ZMIZ2: variants seen among roughly 807,000 people sequenced by gnomAD.
ZMIZ2 encodes the protein zinc finger MIZ domain-containing protein 2.
Under a neutral mutation model 93.9 loss-of-function variants are expected in ZMIZ2, and 26 were observed. The ratio of observed to expected loss-of-function variants is 0.28; its 90% confidence interval spans 0.20 to 0.38. The LOEUF is 0.38. Ranked by LOEUF, ZMIZ2 falls within the 10% of genes least tolerant of loss-of-function variation. The pLI is 1.00. For missense variants in ZMIZ2, 1,023 were observed against 1,235.0 expected (o/e 0.83, Z 2.57); for synonymous variants, 485 against 516.4 (o/e 0.94, Z 0.82).
chr7:44,751,800 A>G (rs1404026130), intron 1 of ZMIZ2, among the ~76,000 whole-genome samples: 1 of 152,140 alleles, frequency 6.6e-6, no homozygotes, highest in African/African-American at 2.4e-5. Flanking sequence ...CACTAAAAAT[A>G]CAAAAATTAG....
Position 44,765,747 on chromosome 7 carries a change from CAG to C in ZMIZ2, c.2242+169_2242+170del. On this transcript the variant is annotated intron_variant, in intron 16 of 18. Transcript: ENST00000309315. This position sits in a 1 kb window ranked among gnomAD's most constrained non-coding sequence, Gnocchi z 4.1. ...GGGGCACCTCCAGCCCCTCCCATCT[CAG>C]GGACGTGGCGGTGAAGGCACAGTCT... The C allele has an allele frequency of 2.6e-6, 3 of 1,139,204 alleles. No homozygotes were observed. The highest frequency in any genetic ancestry group is 3.6e-6 in the Non-Finnish European group (3 of 825,828). 70.6% of individuals were successfully genotyped at this position (1,139,204 alleles called of 1,614,324 possible). A position where few individuals can be genotyped will look rare whatever the true frequency, so the allele number is the denominator to read the frequency against.
rs1791068887 is a variant in ZMIZ2, at chr7:44,760,480, C to T, written c.1127C>T (p.Pro376Leu). The change falls in exon 9 of 19, where the codon CCA becomes CTA. Residue 376 changes from proline (P) to leucine (L), a missense_variant. This residue lies in a region of ZMIZ2 where 656 missense variants were observed against 777.1 expected (regional missense o/e 0.84). Coordinates refer to ENST00000309315, the MANE Select transcript of ZMIZ2 (RefSeq NM_031449.4). The part of the protein sequence containing the change: ...PSSPLPGNPT[P>L]PMTPSSSVPY... ...TCCCCACTGCCAGGGAACCCCACGCCACCCATGACCCCAAGCAGCAGCGTC... is the reference window on the plus strand; with the variant it reads ...TCCCCACTGCCAGGGAACCCCACGCTACCCATGACCCCAAGCAGCAGCGTC... 1.9e-6 allele frequency: 3 copies of T among 1,614,186 alleles called. No homozygotes were observed. The highest frequency in any genetic ancestry group is 1.1e-5 in the South Asian group (1 of 91,088).
chr7:44,757,272 C>A (rs1452961652), intron 4 of ZMIZ2, 106 bp from the exon 5 acceptor site: 20 of 1,509,374 alleles, frequency 1.3e-5, no homozygotes, highest in Non-Finnish European at 1.7e-5. Flanking sequence ...AGTGGAGGGT[C>A]TAGAAAGAAT....
chr7:44,760,330 T>G, intron 8 of ZMIZ2, 95 bp from the exon 9 acceptor site: 1 of 1,573,340 alleles, frequency 6.4e-7, no homozygotes, highest in South Asian at 1.2e-5. Context: ...CCTGTCCACC[T>G]CTGTTATCAT....
chr7:44,755,113 T>C (rs1790479601), intron 1 of ZMIZ2, among the ~76,000 whole-genome samples: 1 of 152,148 alleles, frequency 6.6e-6, no homozygotes, highest in East Asian at 1.9e-4. Context: ...GAGAGCAAAC[T>C]TAGCGTGGCA....
chr7:44,760,138 T>C lies in ZMIZ2; in HGVS notation c.994-13T>C, dbSNP rs371562328. ...GTTGGAGCCCCAGGTGCATGCAGTT[T>C]TCTCTCCCGCAGCCCACAGAGCAGT... On this transcript the variant is annotated splice_polypyrimidine_tract_variant and intron_variant, in intron 7 of 18. Transcript: ENST00000309315. The C allele has an allele frequency of 6.2e-7, 1 of 1,613,872 alleles. No homozygotes were observed. Among genetic ancestry groups the C allele is most frequent in the Non-Finnish European group, 8.5e-7 (1 of 1,179,960 alleles).
At chr7:44,750,834 G>A (rs2116589329) in intron 1 of ZMIZ2, 1 of 152,296 alleles carries the variant, frequency 6.6e-6, no homozygotes, top group Non-Finnish European at 1.5e-5. Flanking sequence ...CAGGCACTAA[G>A]ACCCTTGGTG....
At chr7:44,756,842 T>G in intron 3 of ZMIZ2, 105 bp from the exon 4 acceptor site, 2 of 1,338,106 alleles carry the variant, frequency 1.5e-6, no homozygotes, top group South Asian at 1.2e-5. Flanking sequence ...CCCCCACCTC[T>G]CCCCCAACCC....
At chr7:44,752,660 G>A (rs1790256834) in intron 1 of ZMIZ2, among the ~76,000 whole-genome samples, 1 of 152,130 alleles carries the variant, frequency 6.6e-6, no homozygotes, top group Non-Finnish European at 1.5e-5. Flanking sequence ...TTAATTCTCT[G>A]GAGATTCATC....
At position 44,763,702 on chromosome 7, in the gene ZMIZ2, C is replaced by A; in HGVS notation, c.1860+289C>A. 1 of 404,674 alleles carries A rather than the reference C, an allele frequency of 2.5e-6. No homozygotes were observed. The highest frequency in any genetic ancestry group is 4.5e-6 in the Non-Finnish European group (1 of 223,378). 25.1% of individuals were successfully genotyped at this position (404,674 alleles called of 1,614,324 possible). The stretch of plus-strand genomic sequence containing the variant: ...TGCAGGGTCCAGTCTTCCTGCCCTA[C>A]CCCCAAGGGTGACCATCGTTAGCAT... On this transcript the variant is annotated intron_variant, in intron 13 of 18. Transcript: ENST00000309315. This position sits in a 1 kb window ranked among gnomAD's most constrained non-coding sequence, Gnocchi z 5.6.
At position 44,758,057 on chromosome 7, in the gene ZMIZ2, T is replaced by C. The variant is rs1043770761; in HGVS notation, c.762T>C (p.Pro254=). 1.3e-5 allele frequency: 21 copies of C among 1,602,342 alleles called. No individual in the cohort carries two copies. Among genetic ancestry groups the C allele is most frequent in the Non-Finnish European group, 2.6e-6 (3 of 1,175,058 alleles). ...QRLPQHGYPG[P]PQAQPLPRQG... is the part of the protein sequence containing the mutation. ...TGCCCCAACATGGGTATCCTGGGCC[T>C]CCCCAGGCCCAGCCACTGCCCCGAC... The change falls in exon 6 of 19, where the codon CCT becomes CCC. Residue 254 remains proline, a synonymous_variant. Coordinates refer to ENST00000309315, the MANE Select transcript of ZMIZ2 (RefSeq NM_031449.4).
rs116748938 is a variant in ZMIZ2 at position 44,764,902 on chromosome 7, T to C, written c.1929-39T>C. 1.0e-3 allele frequency: 1,640 copies of C among 1,611,120 alleles called. 11 individuals carry two copies. The African/African-American group carries it at 0.02, about 19-fold the overall frequency. On this transcript the variant is annotated intron_variant, in intron 14 of 18. Coordinates refer to ENST00000309315, the MANE Select transcript of ZMIZ2 (RefSeq NM_031449.4). ...AGGGCCTGTGCCCAGGACAGGGTTGTGCAAGGTCTCTGAGCTGTGTCCCTT... is the reference window on the plus strand; with the variant it reads ...AGGGCCTGTGCCCAGGACAGGGTTGCGCAAGGTCTCTGAGCTGTGTCCCTT...
chr7:44,768,817 A>G lies in ZMIZ2; in HGVS notation c.*1194A>G, dbSNP rs3812257. 0.33 allele frequency: 50,945 copies of G among 152,174 alleles called. 9,701 individuals are homozygous for G. The highest frequency in any genetic ancestry group is 0.42 in the Non-Finnish European group (28,870 of 67,984). 9.4% of individuals were successfully genotyped at this position (152,174 alleles called of 1,614,324 possible). ...GACCTGGGGGCCAGGTCGACCTTCA[A>G]GTGGCTTTTGGGGCCCCAGGTTGAG... On this transcript the variant is annotated 3_prime_UTR_variant, in exon 19 of 19. Coordinates refer to ENST00000309315, the MANE Select transcript of ZMIZ2 (RefSeq NM_031449.4).
At position 44,756,538 on chromosome 7, in the gene ZMIZ2, A is replaced by C; in HGVS notation, c.164A>C (p.Gln55Pro). The C allele has an allele frequency of 6.2e-7, 1 of 1,613,982 alleles. No individual in the cohort carries two copies. Among genetic ancestry groups the C allele is most frequent in the Non-Finnish European group, 8.5e-7 (1 of 1,180,008 alleles). Reference protein sequence around the residue: ...VWGVGNATQSQVLGNPMGPAG... With the variant: ...VWGVGNATQSPVLGNPMGPAG... ...GGAGTTGGCAACGCGACACAGAGCC[A>C]GGTAAGCACCCACTGGTGCCCCACC... Residue 55 changes from glutamine (Q) to proline (P), a missense_variant and splice_region_variant, in exon 3 of 19, where the codon CAG (glutamine) becomes CCG (proline). Gln to Pro is a moderately conservative substitution (Grantham distance 76). Transcript: ENST00000309315.
At chr7:44,752,556 G>A (rs1369156953) in intron 1 of ZMIZ2, among the ~76,000 whole-genome samples, 2 of 152,116 alleles carry the variant, frequency 1.3e-5, no homozygotes, top group African/African-American at 4.8e-5. Flanking sequence ...TCACCAATCT[G>A]TTCTCCATTT....
intron 9 of ZMIZ2, among the ~76,000 whole-genome samples, chr7:44,760,848 TAAA>T (rs11323295): frequency 4.9e-4 from 67 of 136,078 alleles, no homozygotes; most frequent in Middle Eastern, 3.8e-3. Flanking sequence ...GACCCTGTCT[TAAA>T]AAAAAAAAAA....
rs1290652487 is a variant in ZMIZ2 at position 44,766,792 on chromosome 7, T to C, written c.2655+129T>C. The C allele has an allele frequency of 7.7e-6, 11 of 1,429,328 alleles. No individual in the cohort carries two copies. In the Admixed American group the frequency reaches 2.5e-4, roughly 32 times the overall value. The allele number at this position is 1,429,328 out of a possible 1,614,324, so 88.5% of individuals were successfully genotyped here. The stretch of plus-strand genomic sequence containing the variant: ...AGCCGGTCAGATAAGGTCAACTAAA[T>C]GCAGCTTTTGTTCATGAATTAGATA... On this transcript the variant is annotated intron_variant, in intron 18 of 18. Coordinates refer to ENST00000309315, the MANE Select transcript of ZMIZ2 (RefSeq NM_031449.4). This position sits in a 1 kb window ranked among gnomAD's most constrained non-coding sequence, Gnocchi z 4.4.
At chr7:44,764,856 C>A in intron 14 of ZMIZ2, 85 bp from the exon 15 acceptor site, 1 of 1,446,814 alleles carries the variant, frequency 6.9e-7, no homozygotes, top group African/African-American at 1.4e-5. Flanking sequence ...AGGGTCACAG[C>A]TGACAGGGCT....
chr7:44,748,940 C>A lies in ZMIZ2; in HGVS notation c.-114C>A, dbSNP rs1215876267. ...CGGAGGGCGGGCTGAGCGCATGGAGCGGCGCGGGCCGGGGGCCGCCACGGC... is the reference window on the plus strand; with the variant it reads ...CGGAGGGCGGGCTGAGCGCATGGAGAGGCGCGGGCCGGGGGCCGCCACGGC... On this transcript the variant is annotated 5_prime_UTR_variant, in exon 1 of 19. Transcript: ENST00000309315. The A allele has an allele frequency of 6.8e-6, 1 of 147,726 alleles. No individual in the cohort carries two copies. The highest frequency in any genetic ancestry group is 1.5e-5 in the Non-Finnish European group (1 of 66,042). 9.2% of individuals were successfully genotyped at this position (147,726 alleles called of 1,614,324 possible).
Sources: gnomAD v4.1 joint callset for allele counts (sites outside exome capture counted in the v4.1 genomes callset) on GRCh38, gnomAD v4.1.1 for gene constraint, gnomAD v4.1.1 regional missense constraint, Gnocchi (gnomAD v3.1) non-coding constraint, MANE v1.5 for transcripts, NCBI Gene and HGNC (gene_info 2026-07-23, HGNC 2026-07-21) for gene names.